NEDD9: variants seen among roughly 807,000 people sequenced by gnomAD.
NEDD9 encodes the protein neural precursor cell expressed, developmentally down-regulated 9.
In NEDD9, 26 loss-of-function variants were observed where a neutral mutation model predicts 76.6. The observed-to-expected ratio is 0.34, with a 90% CI of 0.25 to 0.47. NEDD9 has a LOEUF of 0.47. Among genes scored for constraint, NEDD9 ranks in the 20% least tolerant of loss-of-function variants. The pLI is 1.00. For missense variants in NEDD9, 937 were observed against 1,058.5 expected (o/e 0.89, Z 1.59); for synonymous variants, 392 against 414.2 (o/e 0.95, Z 0.65).
At chr6:11,305,095 G>A in intron 3 of NEDD9, 1 of 1,288,614 alleles carries the variant, frequency 7.8e-7, no homozygotes, top group Non-Finnish European at 1.0e-6. Context: ...AAGGAGATTG[G>A]GCTGTTCTTG....
intron 1 of NEDD9, among the ~76,000 whole-genome samples, chr6:11,226,508 T>C (rs1387714494): frequency 6.6e-6 from 1 of 152,148 alleles, no homozygotes; most frequent in Non-Finnish European, 1.5e-5. Flanking sequence ...CCTAAAATGA[T>C]CTAAACATAG....
chr6:11,252,166 A>G lies in NEDD9; in HGVS notation c.13-38439T>C, dbSNP rs1019997658. On this transcript the variant is annotated intron_variant, in intron 3 of 3. Coordinates refer to the NEDD9 transcript ENST00000397378. This position sits in a 1 kb window ranked among gnomAD's most constrained non-coding sequence, Gnocchi z 4.3. ...GCTCTCTCAGCCAGATCTTCATTTCATGTCTGTCCTGGGGCTCTTAGCTAT... is the reference window on the plus strand; with the variant it reads ...GCTCTCTCAGCCAGATCTTCATTTCGTGTCTGTCCTGGGGCTCTTAGCTAT... Among the ~76,000 whole-genome samples the G allele has an allele frequency of 1.3e-5, 2 of 152,110 alleles. No individual in the cohort carries two copies. Among genetic ancestry groups the G allele is most frequent in the African/African-American group, 4.8e-5 (2 of 41,410 alleles).
rs1222406548 is a variant in NEDD9 at position 11,226,005 on chromosome 6, C to T, written c.12+6499G>A. ...GCCCGTTCTATCTTCCTCAAATTCA[C>T]CTAGATCTCATTGTTTGGTCAAACT... On this transcript the variant is annotated intron_variant, in intron 1 of 6. Transcript: ENST00000379446. Among the ~76,000 whole-genome samples the T allele has an allele frequency of 3.3e-5, 5 of 152,140 alleles. No homozygotes were observed. The East Asian group carries it at 9.6e-4, about 29-fold the overall frequency.
chr6:11,297,021 G>A (rs550899327), intron 3 of NEDD9, among the ~76,000 whole-genome samples: 1 of 152,092 alleles, frequency 6.6e-6, no homozygotes, highest in Non-Finnish European at 1.5e-5. Flanking sequence ...GAGCCACCAC[G>A]CCCAGCCGAT....
chr6:11,378,945 G>T (rs1291429654), intron 1 of NEDD9, among the ~76,000 whole-genome samples: 1 of 152,250 alleles, frequency 6.6e-6, no homozygotes, highest in Non-Finnish European at 1.5e-5. Flanking sequence ...TGGAGCTTGT[G>T]TTGTACCCAT....
chr6:11,232,603 C>A lies in NEDD9; in HGVS notation c.-88G>T. The A allele has an allele frequency of 6.2e-7, 1 of 1,609,214 alleles. No homozygotes were observed. The highest frequency in any genetic ancestry group is 1.7e-4 in the Middle Eastern group (1 of 5,984). ...GCCCGCCCCTCCATTGAGTGCAGCG[C>A]TAGATGAAAGCGAGAAGGTCCCGGG... On this transcript the variant is annotated 5_prime_UTR_variant, in exon 1 of 7. Transcript: ENST00000379446.
chr6:11,196,031 G>A (rs749782357), intron 2 of NEDD9, among the ~76,000 whole-genome samples: 2 of 152,108 alleles, frequency 1.3e-5, no homozygotes, highest in Admixed American at 6.5e-5. Context: ...CAGGCTGGGC[G>A]TGGTGGCTCA....
intron 3 of NEDD9, among the ~76,000 whole-genome samples, chr6:11,243,832 C>A (rs555037046): frequency 6.6e-6 from 1 of 152,274 alleles, no homozygotes; most frequent in African/African-American, 2.4e-5. Context: ...GAGTTCCAAG[C>A]CCTCATTTTC....
chr6:11,319,179 A>G (rs1007533804), intron 2 of NEDD9, among the ~76,000 whole-genome samples: 2 of 152,224 alleles, frequency 1.3e-5, no homozygotes, highest in Non-Finnish European at 2.9e-5. Context: ...GAACAGCGGG[A>G]CCCACATTTC....
chr6:11,201,323 C>A (rs1758448585), intron 2 of NEDD9, among the ~76,000 whole-genome samples: 2 of 152,212 alleles, frequency 1.3e-5, no homozygotes, highest in Admixed American at 6.5e-5. Flanking sequence ...GCCAATCCCC[C>A]TCCCCACAGC....
chr6:11,266,986 G>A (rs1760212942), intron 3 of NEDD9, among the ~76,000 whole-genome samples: 1 of 152,192 alleles, frequency 6.6e-6, no homozygotes, highest in South Asian at 2.1e-4. Context: ...CAATAGATGG[G>A]AGTGAGGATT....
intron 3 of NEDD9, among the ~76,000 whole-genome samples, chr6:11,254,700 G>A (rs1172535553): frequency 1.3e-5 from 2 of 152,218 alleles, no homozygotes; most frequent in South Asian, 2.1e-4. Flanking sequence ...AATCCCACTG[G>A]GCCCCAAAGG....
chr6:11,273,943 A>G (rs1474023027), intron 3 of NEDD9, among the ~76,000 whole-genome samples: 1 of 152,220 alleles, frequency 6.6e-6, no homozygotes, highest in Non-Finnish European at 1.5e-5. Context: ...GCCTACCTGA[A>G]TGTCACGTCA....
At chr6:11,324,695 C>T (rs1401388170) in intron 2 of NEDD9, among the ~76,000 whole-genome samples, 2 of 152,198 alleles carry the variant, frequency 1.3e-5, no homozygotes, top group African/African-American at 4.8e-5. Context: ...GCCATGAACT[C>T]AGAATTCTGG....
chr6:11,367,613 T>C (rs1361127068), intron 1 of NEDD9, among the ~76,000 whole-genome samples: 1 of 152,226 alleles, frequency 6.6e-6, no homozygotes, highest in Non-Finnish European at 1.5e-5. Flanking sequence ...TCTTTGCAAA[T>C]GATACAGACT....
At chr6:11,312,668 T>C (rs1427731542) in intron 2 of NEDD9, among the ~76,000 whole-genome samples, 1 of 142,852 alleles carries the variant, frequency 7.0e-6, no homozygotes, top group African/African-American at 2.6e-5. Context: ...TTGATAATGG[T>C]ATTATAATTT....
rs1383665307 is a variant in NEDD9 at position 11,252,624 on chromosome 6, A to T, written c.13-38897T>A. On this transcript the variant is annotated intron_variant, in intron 3 of 3. Coordinates refer to the NEDD9 transcript ENST00000397378. The surrounding 1 kb of genome is among the most constrained non-coding windows in gnomAD (Gnocchi z 4.3). ...TAGGTCCATGTCACTTACACTATTT[A>T]GTTATATAGAGCCTTCTGCACAAGC... Among the ~76,000 whole-genome samples, 1 of 151,736 alleles carries T rather than the reference A, an allele frequency of 6.6e-6. No homozygotes were observed. Among genetic ancestry groups the T allele is most frequent in the African/African-American group, 2.4e-5 (1 of 41,352 alleles).
At chr6:11,217,495 C>G (rs943007) in intron 1 of NEDD9, among the ~76,000 whole-genome samples, 135,681 of 152,298 alleles carry the variant, frequency 0.89, 60,485 homozygotes, top group East Asian at 1. Flanking sequence ...TCTATATTCA[C>G]TTGGATGGTT....
chr6:11,214,166 A>C, intron 1 of NEDD9: 3 of 518,060 alleles, frequency 5.8e-6, no homozygotes, highest in Non-Finnish European at 1.2e-5. Context: ...AGTAAAAGAA[A>C]AATCCCAAAT....
Sources: allele counts gnomAD v4.1 joint callset (sites outside exome capture counted in the v4.1 genomes callset), GRCh38; gene constraint gnomAD v4.1.1; non-coding constraint Gnocchi (gnomAD v3.1); transcripts MANE v1.5; gene names NCBI Gene and HGNC (gene_info 2026-07-23, HGNC 2026-07-21).